Variants in LUZP2 observed in about 807,000 individuals in gnomAD.
LUZP2 encodes the protein leucine zipper protein 2.
A neutral mutation model predicts 51.6 loss-of-function variants in LUZP2; 52 were observed. The ratio of observed to expected loss-of-function variants is 1.01; its 90% CI spans 0.81 to 1.27. The LOEUF (loss-of-function observed/expected upper bound fraction) is 1.27. LUZP2 is among the 50% of genes most tolerant of loss of function. The probability of loss-of-function intolerance (pLI) is 0.00; values close to 1 mark genes in which losing one functional copy is unlikely to be tolerated. For synonymous variants in LUZP2, 154 were observed against 137.3 expected (o/e 1.12, Z -0.85); for missense variants, 436 against 395.4 (o/e 1.10, Z -0.87).
chr11:24,834,508 G>T (rs1850799468), intron 5 of LUZP2, among the ~76,000 whole-genome samples: 1 of 152,068 alleles, frequency 6.6e-6, no homozygotes, highest in African/African-American at 2.4e-5. Flanking sequence ...TACACATTTG[G>T]GTTGGTTTGA....
rs1051720164 is a variant in LUZP2 at position 25,081,750 on chromosome 11, G to A, written c.*3092G>A. 6.6e-6 allele frequency: 1 copy of A among 151,980 alleles called. No individual in the cohort carries two copies. The allele number at this position is 151,980 out of a possible 1,614,324, so 9.4% of individuals were successfully genotyped here. On this transcript the variant is annotated 3_prime_UTR_variant, in exon 12 of 12. Transcript: ENST00000336930. ...AATATCAACCTAAATCTTTACTATA[G>A]ATAGTATAATTCTATTATGTACCTG...
At chr11:24,519,189 C>A (rs187181075) in intron 1 of LUZP2, among the ~76,000 whole-genome samples, 1 of 152,234 alleles carries the variant, frequency 6.6e-6, no homozygotes, top group Admixed American at 6.5e-5. Context: ...ACAGTCATAC[C>A]ATCCTCTTTA....
chr11:25,018,603 C>CTT (rs755246752), intron 9 of LUZP2, among the ~76,000 whole-genome samples: 13 of 108,814 alleles, frequency 1.2e-4, no homozygotes, highest in South Asian at 3.0e-4. Flanking sequence ...TTCCTTTTTC[C>CTT]TTTTTTTTTT....
At position 24,822,612 on chromosome 11, in the gene LUZP2, C is replaced by A. The variant is rs116902492; in HGVS notation, c.396+59304C>A. Reference sequence around the variant, plus strand: ...AATTGCAGGAATCCAGTGCTCCCTTCGCTTCCTTCATGATGTTTATTCGTG... The same window carrying A: ...AATTGCAGGAATCCAGTGCTCCCTTAGCTTCCTTCATGATGTTTATTCGTG... On this transcript the variant is annotated intron_variant, in intron 5 of 11. Transcript: ENST00000336930. Among the ~76,000 whole-genome samples the A allele has an allele frequency of 1.1e-3, 166 of 152,258 alleles. 2 individuals carry two copies. The highest frequency in any genetic ancestry group is 3.9e-3 in the African/African-American group (163 of 41,544).
intron 1 of LUZP2, among the ~76,000 whole-genome samples, chr11:24,666,171 A>G (rs1265134440): frequency 6.6e-6 from 1 of 152,158 alleles, no homozygotes; most frequent in East Asian, 1.9e-4. Context: ...AAAATGAGGT[A>G]GAAGCTGAAC....
chr11:24,817,246 T>TATGTGTCTAGAG (rs1850216086), intron 5 of LUZP2, among the ~76,000 whole-genome samples: 1 of 152,090 alleles, frequency 6.6e-6, no homozygotes, highest in African/African-American at 2.4e-5. Context: ...TAACAACAAG[T>TATGTGTCTAGAG]ATGTGTCTAG....
intron 1 of LUZP2, among the ~76,000 whole-genome samples, chr11:24,688,825 A>G (rs947661578): frequency 2.0e-5 from 3 of 152,178 alleles, no homozygotes; most frequent in African/African-American, 7.2e-5. Context: ...CTTGGGTACC[A>G]CACTTTGTAG....
chr11:24,717,881 A>AAGG (rs1488694853), intron 1 of LUZP2, among the ~76,000 whole-genome samples: 1 of 151,662 alleles, frequency 6.6e-6, no homozygotes, highest in Non-Finnish European at 1.5e-5. Flanking sequence ...TTAGTTTGCT[A>AAGG]ATAGCCTCCA....
At chr11:24,816,064 T>A (rs993831083) in intron 5 of LUZP2, among the ~76,000 whole-genome samples, 3 of 151,972 alleles carry the variant, frequency 2.0e-5, no homozygotes, top group African/African-American at 7.2e-5. Context: ...TGGTGACTTA[T>A]GTAAACTTTA....
At chr11:24,602,112 A>ATATATG (rs1853696651) in intron 1 of LUZP2, among the ~76,000 whole-genome samples, 1 of 119,538 alleles carries the variant, frequency 8.4e-6, no homozygotes, top group Non-Finnish European at 1.7e-5. Flanking sequence ...GTATATGTGT[A>ATATATG]TATATGTATA....
chr11:24,635,902 ACT>A (rs1355759732), intron 1 of LUZP2, among the ~76,000 whole-genome samples: 1 of 152,094 alleles, frequency 6.6e-6, no homozygotes, highest in Non-Finnish European at 1.5e-5. Flanking sequence ...GCACAAGGTG[ACT>A]CTGCGGAATA....
chr11:24,665,750 A>G (rs1343909507), intron 1 of LUZP2, among the ~76,000 whole-genome samples: 1 of 152,134 alleles, frequency 6.6e-6, no homozygotes, highest in African/African-American at 2.4e-5. Flanking sequence ...GCCTTCTGCC[A>G]TGATTGTAAA....
At chr11:24,654,943 T>C (rs1340406435) in intron 1 of LUZP2, among the ~76,000 whole-genome samples, 1 of 152,146 alleles carries the variant, frequency 6.6e-6, no homozygotes, top group Non-Finnish European at 1.5e-5. Context: ...CTCATTTTGT[T>C]TGGATACTTA....
At chr11:24,632,311 C>G (rs149901076) in intron 1 of LUZP2, among the ~76,000 whole-genome samples, 28 of 152,002 alleles carry the variant, frequency 1.8e-4, no homozygotes, top group Non-Finnish European at 3.7e-4. Flanking sequence ...TGTGAAAGAG[C>G]TTGCTGTTTT....
chr11:24,837,431 G>C (rs1426156761), intron 5 of LUZP2, among the ~76,000 whole-genome samples: 1 of 151,596 alleles, frequency 6.6e-6, no homozygotes, highest in East Asian at 1.9e-4. Flanking sequence ...GCTGCAGAAT[G>C]CTGCGATCTT....
intron 5 of LUZP2, among the ~76,000 whole-genome samples, chr11:24,829,277 G>A (rs1437787658): frequency 6.6e-6 from 1 of 152,146 alleles, no homozygotes; most frequent in East Asian, 1.9e-4. Flanking sequence ...AGTTCTGGGT[G>A]TGGGCAGGGG....
chr11:24,994,269 A>G (rs538390369), intron 9 of LUZP2, among the ~76,000 whole-genome samples: 54 of 150,274 alleles, frequency 3.6e-4, no homozygotes, highest in Non-Finnish European at 6.9e-4. Flanking sequence ...CTTAATTTTA[A>G]CTCTTACATC....
intron 9 of LUZP2, among the ~76,000 whole-genome samples, chr11:25,005,226 T>C (rs1856801173): frequency 6.6e-6 from 1 of 152,048 alleles, no homozygotes; most frequent in Admixed American, 6.5e-5. Flanking sequence ...AGGAGGCTTA[T>C]CATTAATAGG....
intron 1 of LUZP2, among the ~76,000 whole-genome samples, chr11:24,584,247 C>T (rs562738765): frequency 1.2e-4 from 19 of 152,124 alleles, no homozygotes; most frequent in Non-Finnish European, 1.9e-4. Context: ...TCTACCACCA[C>T]GCATAAACCT....
Sources: gnomAD v4.1 joint callset for allele counts (sites outside exome capture counted in the v4.1 genomes callset) on GRCh38, gnomAD v4.1.1 for gene constraint, MANE v1.5 for transcripts, NCBI Gene and HGNC (gene_info 2026-07-23, HGNC 2026-07-21) for gene names.